The following SYNE1 variants were observed in gnomAD, a reference collection of about 807,000 sequenced individuals.
The protein encoded by SYNE1 is spectrin repeat containing nuclear envelope protein 1, also known as nesprin-1.
A neutral mutation model predicts 1,111.0 loss-of-function variants in SYNE1; 616 were observed. The observed-to-expected ratio is 0.55, with a 90% CI of 0.52 to 0.59. The LOEUF (loss-of-function observed/expected upper bound fraction) is 0.59. Ranked by LOEUF, SYNE1 falls within the 20% of genes least tolerant of loss-of-function variation. SYNE1 has a pLI of 0.00. For missense variants in SYNE1, 10,006 were observed against 10,417.0 expected, an observed-to-expected ratio of 0.96 and a Z score of 1.72; for synonymous variants, 3,855 against 3,825.8, an observed-to-expected ratio of 1.01 and a Z score of -0.28.
At chr6:152,343,946 C>A in intron 74 of SYNE1, 135 bp downstream of exon 74, 2 of 1,279,102 alleles carry the variant, frequency 1.6e-6, no homozygotes, top group Non-Finnish European at 2.2e-6. Flanking sequence ...TCCACTAGAG[C>A]CAACCTCAGA....
intron 105 of SYNE1, 59 bp downstream of exon 105, chr6:152,249,102 A>G (rs558404142): frequency 2.1e-5 from 24 of 1,131,790 alleles, no homozygotes; most frequent in Non-Finnish European, 3.1e-5. Flanking sequence ...TCAAAATTTC[A>G]TAGTAAGTCA....
At chr6:152,284,923 C>T (rs1381391279) in intron 95 of SYNE1, among the ~76,000 whole-genome samples, 1 of 151,996 alleles carries the variant, frequency 6.6e-6, no homozygotes, top group African/African-American at 2.4e-5. Context: ...ATTTCTATGT[C>T]GTCACACTAC....
At chr6:152,433,695 G>A in intron 34 of SYNE1, 100 bp downstream of exon 34, 2 of 1,400,482 alleles carry the variant, frequency 1.4e-6, no homozygotes, top group Non-Finnish European at 2.0e-6. Context: ...ACATTGCAAT[G>A]AAAGTCTTGT....
At position 152,444,633 on chromosome 6, in the gene SYNE1, T is replaced by G. The variant is rs1236706176; in HGVS notation, c.3670-55A>C. On this transcript the variant is annotated intron_variant, in intron 29 of 145. Coordinates refer to ENST00000367255, the MANE Select transcript of SYNE1 (RefSeq NM_182961.4). ...AAATCATATGCTACTTGTTGAAGTT[T>G]GTATAATTTTTTTGGTAAGGTATGA... The G allele has an allele frequency of 3.9e-6, 6 of 1,533,716 alleles. No homozygotes were observed. The African/African-American group carries it at 5.5e-5, about 14-fold the overall frequency.
chr6:152,133,647 G>T, intron 142 of SYNE1, 159 bp from the exon 143 acceptor site: 1 of 726,292 alleles, frequency 1.4e-6, no homozygotes, highest in Non-Finnish European at 2.3e-6. Context: ...CACGGCCTGA[G>T]TTCTAATCCT....
In SYNE1 at chr6:152,455,196, G is replaced by C. The variant is rs214969; in HGVS notation, c.2892+230C>G. On this transcript the variant is annotated intron_variant, in intron 24 of 145. Coordinates refer to ENST00000367255, the MANE Select transcript of SYNE1 (RefSeq NM_182961.4). ...GGATAACTTGAATTATTCTATGACT[G>C]TCTACTATTCTGGGGACTTAGGAAT... is the stretch of plus-strand genomic sequence containing the variant. 0.53 allele frequency among the ~76,000 whole-genome samples: 79,897 copies of C among 152,072 alleles called. 22,858 individuals are homozygous for C. The highest frequency in any genetic ancestry group is 0.76 in the East Asian group (3,913 of 5,164).
At chr6:152,163,256 G>C (rs1182510207) in intron 131 of SYNE1, among the ~76,000 whole-genome samples, 1 of 152,192 alleles carries the variant, frequency 6.6e-6, no homozygotes, top group Non-Finnish European at 1.5e-5. Context: ...CCAGCACTTT[G>C]TGAGGCCGAG....
At chr6:152,229,941 AT>A (rs2082385092) in intron 115 of SYNE1, among the ~76,000 whole-genome samples, 2 of 152,150 alleles carry the variant, frequency 1.3e-5, no homozygotes, top group Non-Finnish European at 2.9e-5. Context: ...GAAAATGTCT[AT>A]TTTTCAAAGA....
chr6:152,258,174 G>T (rs1345496654), intron 101 of SYNE1, among the ~76,000 whole-genome samples: 3 of 152,082 alleles, frequency 2.0e-5, no homozygotes, highest in Non-Finnish European at 4.4e-5. Flanking sequence ...ATCCAATATA[G>T]AGGCAACTAG....
chr6:152,624,711 T>C (rs1407487), intron 3 of SYNE1, among the ~76,000 whole-genome samples: 102,881 of 152,114 alleles, frequency 0.68, 34,885 homozygotes, highest in Non-Finnish European at 0.7. Context: ...GACTGCTCAT[T>C]CATAATTCAG....
intron 74 of SYNE1, among the ~76,000 whole-genome samples, chr6:152,340,892 CAG>C (rs1380537281): frequency 6.6e-6 from 1 of 152,120 alleles, no homozygotes; most frequent in East Asian, 1.9e-4. Context: ...GATGGCCTGA[CAG>C]GGGGTGGTGG....
At chr6:152,236,700 C>T (rs139860138) in intron 109 of SYNE1, 117 bp downstream of exon 109, 19 of 1,247,624 alleles carry the variant, frequency 1.5e-5, no homozygotes, top group Middle Eastern at 3.8e-4. Flanking sequence ...CTTTCAATGT[C>T]AATAACTTGA....
intron 73 of SYNE1, 27 bp from the exon 74 acceptor site, chr6:152,344,254 T>G: frequency 1.2e-6 from 2 of 1,614,066 alleles, no homozygotes; most frequent in Non-Finnish European, 1.7e-6. Flanking sequence ...ATGCTGAGAT[T>G]ATGAGAACTG....
chr6:152,252,779 G>A (rs1171875655), intron 104 of SYNE1, among the ~76,000 whole-genome samples: 1 of 152,138 alleles, frequency 6.6e-6, no homozygotes, highest in East Asian at 1.9e-4. Flanking sequence ...TCGTGAGCTG[G>A]CCACCAACAA....
rs145787686 is a variant in SYNE1 at position 152,185,974 on chromosome 6, A to C, written c.23301+3278T>G. Among the ~76,000 whole-genome samples the C allele has an allele frequency of 1.6e-3, 245 of 152,360 alleles. 1 individual carries two copies. The highest frequency in any genetic ancestry group is 3.7e-3 in the Admixed American group (57 of 15,308). Reference sequence around the variant, plus strand: ...ATTATTTTACACTAAGAGAAACGTAAGTATGAGGAAATAGAATCGATGCCA... The same window carrying C: ...ATTATTTTACACTAAGAGAAACGTACGTATGAGGAAATAGAATCGATGCCA... On this transcript the variant is annotated intron_variant, in intron 128 of 145. Coordinates refer to ENST00000367255, the MANE Select transcript of SYNE1 (RefSeq NM_182961.4).
intron 40 of SYNE1, among the ~76,000 whole-genome samples, chr6:152,417,856 TTAAC>T (rs1351080298): frequency 3.3e-5 from 5 of 152,176 alleles, no homozygotes. Context: ...TTTAATTTTT[TTAAC>T]TAACAATTTC....
intron 3 of SYNE1, among the ~76,000 whole-genome samples, chr6:152,550,983 G>A (rs949813647): frequency 1.3e-5 from 2 of 152,072 alleles, no homozygotes; most frequent in African/African-American, 4.8e-5. Flanking sequence ...ACAGTGGGAG[G>A]AAAAACAGCA....
At chr6:152,399,527 C>T in intron 48 of SYNE1, 89 bp downstream of exon 48, 1 of 1,519,114 alleles carries the variant, frequency 6.6e-7, no homozygotes, top group Non-Finnish European at 9.1e-7. Context: ...AAAGTTTCCT[C>T]AAACTTTTGC....
chr6:152,184,789 G>A (rs377109853), intron 128 of SYNE1, among the ~76,000 whole-genome samples: 4 of 152,048 alleles, frequency 2.6e-5, no homozygotes, highest in Non-Finnish European at 5.9e-5. Context: ...CAAGCACTGG[G>A]TGCAAACCCA....
Sources: gnomAD v4.1 joint callset for allele counts (sites outside exome capture counted in the v4.1 genomes callset) on GRCh38, gnomAD v4.1.1 for gene constraint, MANE v1.5 for transcripts, NCBI Gene and HGNC (gene_info 2026-07-23, HGNC 2026-07-21) for gene names.